Variants in FOXN3 observed in about 807,000 individuals in gnomAD.
FOXN3 encodes the protein forkhead box protein N3.
FOXN3 carries 7 observed loss-of-function variants against 38.4 expected under a neutral mutation model. The observed-to-expected ratio is 0.18, with a 90% CI of 0.10 to 0.34. FOXN3 has a LOEUF of 0.34. Among genes scored for constraint, FOXN3 ranks in the 10% least tolerant of loss-of-function variants. The pLI is 1.00. For missense variants in FOXN3, 456 were observed against 613.4 expected, an observed-to-expected ratio of 0.74 and a Z score of 2.71; for synonymous variants, 230 against 242.2, an observed-to-expected ratio of 0.95 and a Z score of 0.47.
chr14:89,256,329 A>T (rs557878605), intron 4 of FOXN3, among the ~76,000 whole-genome samples: 1 of 152,200 alleles, frequency 6.6e-6, no homozygotes, highest in South Asian at 2.1e-4. Flanking sequence ...ACTGGCAATC[A>T]GAGGGGAGAG....
chr14:89,522,019 C>A (rs1439470097), intron 1 of FOXN3, among the ~76,000 whole-genome samples: 199 of 137,360 alleles, frequency 1.4e-3, no homozygotes, highest in South Asian at 2.5e-3. Context: ...GACCCTGTCT[C>A]AAAAAAAAAG....
chr14:89,285,364 C>T (rs561710328), intron 3 of FOXN3, among the ~76,000 whole-genome samples: 11 of 152,048 alleles, frequency 7.2e-5, no homozygotes, highest in African/African-American at 2.4e-4. Context: ...ACTAAAAATA[C>T]AAAAATTAGC....
chr14:89,558,019 T>C (rs1369475135), intron 1 of FOXN3, among the ~76,000 whole-genome samples: 1 of 150,992 alleles, frequency 6.6e-6, no homozygotes, highest in Non-Finnish European at 1.5e-5. Context: ...AACAAACAAA[T>C]AAACAAAAAA....
At chr14:89,612,057 C>T (rs927673263) in intron 1 of FOXN3, among the ~76,000 whole-genome samples, 5 of 151,842 alleles carry the variant, frequency 3.3e-5, no homozygotes, top group East Asian at 3.9e-4. Flanking sequence ...TGGTCAGTCT[C>T]GGAGGAAAGC....
chr14:89,174,338 C>T (rs112532139), intron 5 of FOXN3, among the ~76,000 whole-genome samples: 185 of 152,232 alleles, frequency 1.2e-3, no homozygotes, highest in African/African-American at 4.2e-3. Context: ...AGGTAAAGGA[C>T]GTCCAGGGGC....
At chr14:89,271,697 T>C (rs983459644) in intron 4 of FOXN3, among the ~76,000 whole-genome samples, 2 of 152,226 alleles carry the variant, frequency 1.3e-5, no homozygotes, top group Admixed American at 6.5e-5. Context: ...TAAAGTGAAC[T>C]GTGTAGGAAC....
At chr14:89,271,645 T>C (rs1023439721) in intron 4 of FOXN3, among the ~76,000 whole-genome samples, 2 of 152,224 alleles carry the variant, frequency 1.3e-5, no homozygotes, top group African/African-American at 2.4e-5. Context: ...GAATGACTAA[T>C]TTTAGGATTT....
At chr14:89,205,151 TAA>T (rs1158512966) in intron 4 of FOXN3, among the ~76,000 whole-genome samples, 10 of 143,124 alleles carry the variant, frequency 7.0e-5, no homozygotes, top group Non-Finnish European at 7.7e-5. Flanking sequence ...GTGTTTGATT[TAA>T]AAAAAAAAAA....
chr14:89,483,068 G>A (rs1185777416), intron 1 of FOXN3, among the ~76,000 whole-genome samples: 3 of 152,062 alleles, frequency 2.0e-5, no homozygotes, highest in Non-Finnish European at 4.4e-5. Context: ...TTAGCCAGGT[G>A]TGGTGGCGCG....
At chr14:89,210,973 T>G (rs1884075507) in intron 4 of FOXN3, among the ~76,000 whole-genome samples, 1 of 152,270 alleles carries the variant, frequency 6.6e-6, no homozygotes, top group African/African-American at 2.4e-5. Flanking sequence ...GGCAGCTTAT[T>G]TTCTCCATCT....
intron 3 of FOXN3, chr14:89,290,994 G>A (rs543649045): frequency 3.5e-5 from 15 of 430,278 alleles, no homozygotes; most frequent in Admixed American, 1.5e-4. Context: ...TCTGCTCCAC[G>A]TGAGGCCCGT....
chr14:89,468,063 C>G (rs74450928), intron 1 of FOXN3, among the ~76,000 whole-genome samples: 4,558 of 151,506 alleles, frequency 0.03, 101 homozygotes, highest in Non-Finnish European at 0.046. Flanking sequence ...CATGCATCTA[C>G]ATAATTTGAT....
intron 3 of FOXN3, among the ~76,000 whole-genome samples, chr14:89,337,895 G>T (rs1888511208): frequency 6.6e-6 from 1 of 152,164 alleles, no homozygotes; most frequent in Non-Finnish European, 1.5e-5. Context: ...CTCCCAAAGT[G>T]CTGGGGTTAC....
Position 89,446,087 on chromosome 14 carries a change from C to CAAAAAAAA in FOXN3, c.-14-33605_-14-33598dup, listed in dbSNP as rs576883864. Among the ~76,000 whole-genome samples the CAAAAAAAA allele has an allele frequency of 6.2e-3, 249 of 40,080 alleles. 10 individuals carry two copies. The highest frequency in any genetic ancestry group is 0.017 in the African/African-American group (200 of 11,730). 26.3% of individuals were successfully genotyped at this position (40,080 alleles called of 152,430 possible). On this transcript the variant is annotated intron_variant, in intron 1 of 6. Coordinates refer to the FOXN3 transcript ENST00000345097. ...TGGGTAACAGAGCGAGACCCTGCCT[C>CAAAAAAAA]AAAAAAAAAAAAAAAAAAAAAAAAT...
At chr14:89,274,541 A>G (rs895252143) in intron 4 of FOXN3, among the ~76,000 whole-genome samples, 2 of 152,174 alleles carry the variant, frequency 1.3e-5, no homozygotes, top group Admixed American at 1.3e-4. Context: ...CGGGGTTGTG[A>G]GAAACACATC....
At chr14:89,206,545 C>T (rs892417313) in intron 4 of FOXN3, among the ~76,000 whole-genome samples, 7 of 152,244 alleles carry the variant, frequency 4.6e-5, no homozygotes, top group Non-Finnish European at 8.8e-5. Flanking sequence ...CCCAGTGGGG[C>T]GGCAGCAAGG....
chr14:89,210,041 A>G (rs558178178), intron 4 of FOXN3, among the ~76,000 whole-genome samples: 10 of 152,344 alleles, frequency 6.6e-5, no homozygotes, highest in Middle Eastern at 3.4e-3. Context: ...TTTGCAAAAT[A>G]TGTGCCTACT....
chr14:89,559,633 G>A (rs772897509), intron 1 of FOXN3, among the ~76,000 whole-genome samples: 36 of 152,146 alleles, frequency 2.4e-4, no homozygotes, highest in African/African-American at 7.7e-4. Flanking sequence ...CCAAGATTGC[G>A]CCACTGGACT....
chr14:89,465,818 C>T (rs1566665637), intron 1 of FOXN3, among the ~76,000 whole-genome samples: 2 of 152,194 alleles, frequency 1.3e-5, no homozygotes. Flanking sequence ...AATCTCAACT[C>T]AAGAGCTTTC....
Sources: gnomAD v4.1 joint callset for allele counts (sites outside exome capture counted in the v4.1 genomes callset) on GRCh38, gnomAD v4.1.1 for gene constraint, MANE v1.5 for transcripts, NCBI Gene and HGNC (gene_info 2026-07-23, HGNC 2026-07-21) for gene names.